Variants in DMGDH observed in about 807,000 individuals in gnomAD.
DMGDH encodes dimethylglycine dehydrogenase, mitochondrial.
DMGDH carries 76 observed loss-of-function variants against 95.2 expected under a neutral mutation model. That is an observed-to-expected ratio of 0.80 (90% CI 0.66 to 0.97). DMGDH has a LOEUF of 0.97. Among genes scored for constraint, DMGDH ranks in the 50% least tolerant of loss-of-function variants. The pLI, the probability that DMGDH is intolerant of heterozygous loss-of-function variation, is 0.00. For missense variants in DMGDH, 987 were observed against 1,055.0 expected, an observed-to-expected ratio of 0.94 and a Z score of 0.89; for synonymous variants, 345 against 377.6, an observed-to-expected ratio of 0.91 and a Z score of 1.00.
At chr5:79,005,078 T>C (rs1221918677) in intron 15 of DMGDH, among the ~76,000 whole-genome samples, 195 bp downstream of exon 15, 2 of 152,240 alleles carry the variant, frequency 1.3e-5, no homozygotes, top group African/African-American at 4.8e-5. Context: ...TTTTATGTTT[T>C]CAAAAATGAG....
At chr5:79,017,009 C>T (rs1334142884) in intron 14 of DMGDH, among the ~76,000 whole-genome samples, 1 of 152,086 alleles carries the variant, frequency 6.6e-6, no homozygotes, top group African/African-American at 2.4e-5. Flanking sequence ...AATAAAACTT[C>T]AGTCCATACC....
intron 7 of DMGDH, 134 bp from the exon 8 acceptor site, chr5:79,033,542 A>G (rs1754253311): frequency 2.8e-6 from 3 of 1,089,082 alleles, no homozygotes; most frequent in Non-Finnish European, 4.1e-6. Context: ...CATAATCTCT[A>G]TGGAACAATT....
At chr5:79,029,783 A>G in intron 11 of DMGDH, 121 bp downstream of exon 11, 1 of 1,064,162 alleles carries the variant, frequency 9.4e-7, no homozygotes, top group Non-Finnish European at 1.3e-6. Context: ...GTTTATTTGA[A>G]ACAATCAGGT....
At position 79,042,318 on chromosome 5, in the gene DMGDH, C is replaced by T. The variant is rs1438117311; in HGVS notation, c.1158G>A (p.Gln386=). Residue 386 remains glutamine (Q), a synonymous_variant, in exon 7 of 16, where the codon CAG becomes CAA. Transcript: ENST00000255189. ...TAGCCACCCAGTAGTTTCTGACCCCCTGATGGGGCCCCACCATAGGCAGAA... is the reference window on the plus strand; with the variant it reads ...TAGCCACCCAGTAGTTTCTGACCCCTTGATGGGGCCCCACCATAGGCAGAA... ...PDILPMVGPH[Q]GVRNYWVAIG... 6.2e-7 allele frequency: 1 copy of T among 1,614,094 alleles called. No homozygotes were observed. Among genetic ancestry groups the T allele is most frequent in the Non-Finnish European group, 8.5e-7 (1 of 1,180,038 alleles).
intron 1 of DMGDH, among the ~76,000 whole-genome samples, chr5:79,068,017 A>G (rs1303299407): frequency 6.6e-6 from 1 of 152,140 alleles, no homozygotes; most frequent in Non-Finnish European, 1.5e-5. Flanking sequence ...TCCCAGGTTC[A>G]AGCGATTCTC....
At position 79,050,273 on chromosome 5, in the gene DMGDH, AATATATAT is replaced by A. The variant is rs761250761; in HGVS notation, c.745+1006_745+1013del. On this transcript the variant is annotated intron_variant, in intron 5 of 15. Transcript: ENST00000255189. ...CAAAAAAAAAAAAAAAAAAAAAAAA[AATATATAT>A]ATATATATATATATATATATACCTC... 2.7e-3 allele frequency among the ~76,000 whole-genome samples: 57 copies of A among 20,918 alleles called. 1 individual carries two copies. Among genetic ancestry groups the A allele is most frequent in the Middle Eastern group, 0.025 (1 of 40 alleles). 13.7% of individuals were successfully genotyped at this position (20,918 alleles called of 152,430 possible).
chr5:79,030,924 A>C lies in DMGDH; in HGVS notation c.1592T>G (p.Val531Gly). 1 of 1,614,150 alleles carries C rather than the reference A, an allele frequency of 6.2e-7. No homozygotes were observed. The change falls in exon 10 of 16, where the codon GTA (valine) becomes GGA (glycine). Residue 531 changes from valine (V) to glycine (G), a missense_variant. Val to Gly is a moderately radical substitution (Grantham distance 109). Coordinates refer to ENST00000255189, the MANE Select transcript of DMGDH (RefSeq NM_013391.3). ...CTTGCCAAATGGTGATAGGTCAGTTACCGCTACTCTTTGCATAACCTGTTT... is the reference window on the plus strand; with the variant it reads ...CTTGCCAAATGGTGATAGGTCAGTTCCCGCTACTCTTTGCATAACCTGTTT... Reference protein sequence around the residue: ...EYKQVMQRVAVTDLSPFGKFN... With the variant: ...EYKQVMQRVAGTDLSPFGKFN...
intron 14 of DMGDH, among the ~76,000 whole-genome samples, chr5:79,023,160 T>C (rs1753908748): frequency 6.6e-6 from 1 of 152,228 alleles, no homozygotes; most frequent in Non-Finnish European, 1.5e-5. Flanking sequence ...CACAGGGTCA[T>C]GAAAAAGGTT....
At chr5:79,024,410 A>G in intron 13 of DMGDH, 80 bp from the exon 14 acceptor site, 1 of 1,317,566 alleles carries the variant, frequency 7.6e-7, no homozygotes, top group Non-Finnish European at 1.1e-6. Flanking sequence ...TGTTTTTAGG[A>G]GAAAGAACCC....
chr5:79,011,507 A>G (rs988221392), intron 14 of DMGDH, among the ~76,000 whole-genome samples: 1 of 152,250 alleles, frequency 6.6e-6, no homozygotes, highest in Non-Finnish European at 1.5e-5. Flanking sequence ...TTGGCTAGAA[A>G]ATGAATATTC....
At chr5:79,030,672 GA>G (rs1320677338) in intron 10 of DMGDH, 160 bp downstream of exon 10, 11 of 590,260 alleles carry the variant, frequency 1.9e-5, no homozygotes, top group Admixed American at 6.8e-5. Context: ...AAAAAGAAAA[GA>G]AAAAAAGAAA....
chr5:79,007,480 T>C (rs528532921), intron 14 of DMGDH, among the ~76,000 whole-genome samples: 1 of 146,498 alleles, frequency 6.8e-6, no homozygotes, highest in East Asian at 2.0e-4. Context: ...GAAAGAATTC[T>C]ATAACAGCAA....
In DMGDH at chr5:79,029,929, A is replaced by G. The variant is rs111601498; in HGVS notation, c.1789T>C (p.Ser597Pro). 6.2e-7 allele frequency: 1 copy of G among 1,614,122 alleles called. No homozygotes were observed. The highest frequency in any genetic ancestry group is 1.3e-5 in the African/African-American group (1 of 75,078). Residue 597 changes from serine (S) to proline (P), a missense_variant, in exon 11 of 16, where the codon TCT becomes CCT. By Grantham distance (74) the Ser-to-Pro change is moderately conservative. Coordinates refer to ENST00000255189, the MANE Select transcript of DMGDH (RefSeq NM_013391.3). ...SPGEFLLITG[S>P]GSELHDLRWI... ...CTAAGATCATGAAGTTCTGATCCAGAGCCAGTAATTAAAAGAAACTCCCCA... is the reference window on the plus strand; with the variant it reads ...CTAAGATCATGAAGTTCTGATCCAGGGCCAGTAATTAAAAGAAACTCCCCA...
chr5:79,068,778 A>C (rs1755455135), intron 1 of DMGDH, among the ~76,000 whole-genome samples: 2 of 152,234 alleles, frequency 1.3e-5, no homozygotes, highest in Non-Finnish European at 2.9e-5. Context: ...CAGACCAATC[A>C]AAACAAGGAC....
At chr5:79,044,853 G>GA (rs974765344) in intron 5 of DMGDH, among the ~76,000 whole-genome samples, 2 of 152,074 alleles carry the variant, frequency 1.3e-5, no homozygotes, top group African/African-American at 4.8e-5. Context: ...TTATTTGAAA[G>GA]AAAAAACGAA....
At chr5:79,052,025 A>G (rs376995617) in intron 4 of DMGDH, among the ~76,000 whole-genome samples, 1 of 152,224 alleles carries the variant, frequency 6.6e-6, no homozygotes, top group Non-Finnish European at 1.5e-5. Context: ...AATACAAGCA[A>G]GGAGCTTTTG....
At chr5:79,021,052 C>A in intron 14 of DMGDH, 4 of 985,588 alleles carry the variant, frequency 4.1e-6, no homozygotes, top group Non-Finnish European at 4.8e-6. Context: ...TGGAACATAC[C>A]AAAAATACCA....
At chr5:79,021,415 A>G (rs755263145) in intron 14 of DMGDH, 3 of 1,188,574 alleles carry the variant, frequency 2.5e-6, no homozygotes, top group Non-Finnish European at 3.2e-6. Context: ...CTACTAGATG[A>G]ACGGATGAAT....
At chr5:79,036,861 T>G (rs946659800) in intron 7 of DMGDH, among the ~76,000 whole-genome samples, 2 of 152,136 alleles carry the variant, frequency 1.3e-5, no homozygotes, top group Non-Finnish European at 2.9e-5. Flanking sequence ...ATAATGCATC[T>G]GTTGAAGCCC....
Sources: gnomAD v4.1 joint callset for allele counts (sites outside exome capture counted in the v4.1 genomes callset) on GRCh38, gnomAD v4.1.1 for gene constraint, MANE v1.5 for transcripts, NCBI Gene and HGNC (gene_info 2026-07-23, HGNC 2026-07-21) for gene names.